Variants in SLC31A1 observed in about 807,000 individuals in gnomAD.
SLC31A1 encodes the protein solute carrier family 31 member 1, also known as high affinity copper uptake protein 1.
A neutral mutation model predicts 17.2 loss-of-function variants in SLC31A1; 5 were observed. The observed-to-expected ratio is 0.29, with a 90% confidence interval of 0.15 to 0.61. SLC31A1 has a LOEUF of 0.61. Among genes scored for constraint, SLC31A1 ranks in the 20% least tolerant of loss-of-function variants. The probability of loss-of-function intolerance (pLI) is 0.86; values close to 1 mark genes in which losing one functional copy is unlikely to be tolerated. For missense variants in SLC31A1, 161 were observed against 241.4 expected (o/e 0.67, Z 2.21); for synonymous variants, 76 against 78.8 (o/e 0.96, Z 0.19).
chr9:113,260,148 C>A (rs184481432), intron 4 of SLC31A1, 124 bp from the exon 5 acceptor site: 1 of 793,676 alleles, frequency 1.3e-6, no homozygotes, highest in African/African-American at 1.7e-5. Flanking sequence ...CATTCAAGTA[C>A]CCATGAGTTG....
At chr9:113,247,542 C>T (rs1353098055) in intron 1 of SLC31A1, among the ~76,000 whole-genome samples, 1 of 152,124 alleles carries the variant, frequency 6.6e-6, no homozygotes, top group East Asian at 1.9e-4. Flanking sequence ...TTGCTAATTC[C>T]CTAACTTCTG....
At chr9:113,244,116 C>T (rs955319729) in intron 1 of SLC31A1, among the ~76,000 whole-genome samples, 1 of 134,880 alleles carries the variant, frequency 7.4e-6, no homozygotes, top group African/African-American at 2.9e-5. Flanking sequence ...GATCATACCA[C>T]TGTACTCCAG....
intron 1 of SLC31A1, among the ~76,000 whole-genome samples, chr9:113,243,792 C>T (rs1831547118): frequency 6.6e-6 from 1 of 152,144 alleles, no homozygotes; most frequent in African/African-American, 2.4e-5. Flanking sequence ...ATTCTCAGGG[C>T]AGCTCCTGAG....
chr9:113,237,015 T>C (rs1394216589), intron 1 of SLC31A1, among the ~76,000 whole-genome samples: 1 of 152,196 alleles, frequency 6.6e-6, no homozygotes, highest in East Asian at 1.9e-4. Context: ...GTAGAATAAA[T>C]GGTGACATTT....
chr9:113,234,761 T>C (rs1831437653), intron 1 of SLC31A1, among the ~76,000 whole-genome samples: 1 of 152,132 alleles, frequency 6.6e-6, no homozygotes, highest in Non-Finnish European at 1.5e-5. Flanking sequence ...TGGACCACAC[T>C]TTGAGAAGCA....
chr9:113,260,580 T>TATACACACACAC lies in SLC31A1; in HGVS notation c.*108_*109insTACACACACACA. ...CCCTTCTTGCTCCTCTTTGTGCACG[T>TATACACACACAC]ACACACACACACACACACACACACA... On this transcript the variant is annotated 3_prime_UTR_variant, in exon 5 of 5. Transcript: ENST00000374212. 1 of 630,674 alleles carries TATACACACACAC rather than the reference T, an allele frequency of 1.6e-6. No individual in the cohort carries two copies. 39.1% of individuals were successfully genotyped at this position (630,674 alleles called of 1,614,324 possible).
chr9:113,232,578 T>A (rs931616295), intron 1 of SLC31A1, among the ~76,000 whole-genome samples: 2 of 151,554 alleles, frequency 1.3e-5, no homozygotes, highest in Non-Finnish European at 2.9e-5. Flanking sequence ...ACACTGGTAA[T>A]CTCAGCACTT....
In SLC31A1 at chr9:113,260,595, A is replaced by ACACT; in HGVS notation, c.*125_*126insTCAC. ...TTTGTGCACGTACACACACACACAC[A>ACACT]CACACACACACACACACCCCTGCTC... On this transcript the variant is annotated 3_prime_UTR_variant, in exon 5 of 5. Transcript: ENST00000374212. The ACACT allele has an allele frequency of 1.4e-6, 1 of 735,754 alleles. No homozygotes were observed. The highest frequency in any genetic ancestry group is 2.4e-6 in the Non-Finnish European group (1 of 416,812). 45.6% of individuals were successfully genotyped at this position (735,754 alleles called of 1,614,324 possible). A position where few individuals can be genotyped will look rare whatever the true frequency, so the allele number is the denominator to read the frequency against.
rs1256784931 is a variant in SLC31A1 at position 113,261,893 on chromosome 9, C to G, written c.*1420C>G. On this transcript the variant is annotated 3_prime_UTR_variant, in exon 5 of 5. Coordinates refer to ENST00000374212, the MANE Select transcript of SLC31A1 (RefSeq NM_001859.4). ...AGATGGTGTGTCTGGACTTAACTCA[C>G]GTAGTAAATACTGCTGATCAATACC... 6.6e-6 allele frequency: 1 copy of G among 152,636 alleles called. No homozygotes were observed. Among genetic ancestry groups the G allele is most frequent in the African/African-American group, 2.4e-5 (1 of 41,462 alleles). 9.5% of individuals were successfully genotyped at this position (152,636 alleles called of 1,614,324 possible).
intron 1 of SLC31A1, among the ~76,000 whole-genome samples, chr9:113,239,632 C>T (rs1401150102): frequency 2.6e-5 from 4 of 152,102 alleles, no homozygotes; most frequent in Non-Finnish European, 4.4e-5. Context: ...ACCCAGGCTG[C>T]GGTGCAGTGG....
intron 1 of SLC31A1, 100 bp downstream of exon 1, chr9:113,221,778 G>A: frequency 5.3e-6 from 1 of 188,996 alleles, no homozygotes; most frequent in South Asian, 7.9e-5. Context: ...TCAGCTCCGC[G>A]GAAGGAGAAA....
intron 1 of SLC31A1, chr9:113,223,191 G>A (rs1023609472): frequency 4.6e-6 from 2 of 435,776 alleles, no homozygotes; most frequent in East Asian, 7.2e-5. Context: ...AGCCTTTTTG[G>A]TGATTGGAAC....
At chr9:113,232,104 C>T (rs1280197293) in intron 1 of SLC31A1, among the ~76,000 whole-genome samples, 1 of 152,178 alleles carries the variant, frequency 6.6e-6, no homozygotes, top group East Asian at 1.9e-4. Context: ...TAAAAGCTTA[C>T]AAACTTTCTA....
intron 1 of SLC31A1, among the ~76,000 whole-genome samples, chr9:113,252,713 T>C (rs575014367): frequency 2.0e-5 from 3 of 152,344 alleles, no homozygotes; most frequent in South Asian, 4.1e-4. Context: ...CATGTGATGT[T>C]CATTTCTTTA....
At chr9:113,237,215 G>T (rs1274662857) in intron 1 of SLC31A1, among the ~76,000 whole-genome samples, 1 of 152,178 alleles carries the variant, frequency 6.6e-6, no homozygotes, top group Non-Finnish European at 1.5e-5. Context: ...GCAGATAACA[G>T]TTGTAGCGCA....
chr9:113,244,073 T>C (rs1001398857), intron 1 of SLC31A1, among the ~76,000 whole-genome samples: 1 of 142,808 alleles, frequency 7.0e-6, no homozygotes, highest in South Asian at 2.2e-4. Context: ...GAGAATCGCT[T>C]GAACCCAGGA....
intron 1 of SLC31A1, among the ~76,000 whole-genome samples, chr9:113,250,687 A>C (rs1032828336): frequency 1.3e-5 from 2 of 150,412 alleles, no homozygotes; most frequent in African/African-American, 2.5e-5. Context: ...AAAAAAAAAA[A>C]CTTCAAAAAA....
In SLC31A1 at chr9:113,235,936, A is replaced by G. The variant is rs1457527348; in HGVS notation, c.-36+14258A>G. 3.3e-5 allele frequency among the ~76,000 whole-genome samples: 5 copies of G among 152,328 alleles called. No individual in the cohort carries two copies. In the South Asian group the frequency reaches 6.2e-4, roughly 19 times the overall value. The stretch of plus-strand genomic sequence containing the variant: ...TGTTTAATCAATGTTAAAGCCACTG[A>G]AATGTTAGAATGGCTAAAGTATATC... On this transcript the variant is annotated intron_variant, in intron 1 of 4. Coordinates refer to ENST00000374212, the MANE Select transcript of SLC31A1 (RefSeq NM_001859.4).
intron 1 of SLC31A1, among the ~76,000 whole-genome samples, chr9:113,239,045 G>A (rs1296854496): frequency 2.6e-5 from 4 of 152,232 alleles, no homozygotes; most frequent in Admixed American, 6.5e-5. Flanking sequence ...ATCTGGACAC[G>A]ATCCCTGTAG....
Sources: allele counts gnomAD v4.1 joint callset (sites outside exome capture counted in the v4.1 genomes callset), GRCh38; gene constraint gnomAD v4.1.1; transcripts MANE v1.5; gene names NCBI Gene and HGNC (gene_info 2026-07-23, HGNC 2026-07-21).